The following TIPRL variants were observed in gnomAD, a reference collection of about 807,000 sequenced individuals.
TIPRL encodes the protein TIP41-like protein.
A neutral mutation model predicts 32.3 loss-of-function variants in TIPRL; 10 were observed. That is an observed-to-expected ratio of 0.31 (90% CI 0.19 to 0.52). The LOEUF (loss-of-function observed/expected upper bound fraction) is 0.52, where lower values mean the gene tolerates loss of function less well. Ranked by LOEUF, TIPRL falls within the 20% of genes least tolerant of loss-of-function variation. The pLI is 0.96. For synonymous variants in TIPRL, 100 were observed against 114.0 expected, an observed-to-expected ratio of 0.88 and a Z score of 0.78; for missense variants, 250 against 328.1, an observed-to-expected ratio of 0.76 and a Z score of 1.84.
chr1:168,186,023 T>C (rs1447915436), intron 3 of TIPRL, among the ~76,000 whole-genome samples: 3 of 125,602 alleles, frequency 2.4e-5, no homozygotes, highest in East Asian at 2.3e-4. Context: ...TGCAGTGAGC[T>C]GAGATCACAC....
chr1:168,185,728 C>T (rs1203320463), intron 3 of TIPRL, among the ~76,000 whole-genome samples: 2 of 147,214 alleles, frequency 1.4e-5, no homozygotes, highest in African/African-American at 5.0e-5. Context: ...CAAGATCGCG[C>T]CACTGCACTC....
In TIPRL at chr1:168,201,175, G is replaced by A. The variant is rs1040876116; in HGVS notation, c.*1129G>A. On this transcript the variant is annotated 3_prime_UTR_variant, in exon 7 of 7. Coordinates refer to ENST00000367833, the MANE Select transcript of TIPRL (RefSeq NM_152902.5). ...TTTCTAGAAAAATGGTTGTCATAAAGTGGAAAGTGATTAAAAAGCATCAAA... is the reference window on the plus strand; with the variant it reads ...TTTCTAGAAAAATGGTTGTCATAAAATGGAAAGTGATTAAAAAGCATCAAA... The A allele has an allele frequency of 6.6e-6, 1 of 152,090 alleles. No homozygotes were observed. Among genetic ancestry groups the A allele is most frequent in the Non-Finnish European group, 1.5e-5 (1 of 67,982 alleles). The allele number at this position is 152,090 out of a possible 1,614,324, so 9.4% of individuals were successfully genotyped here. A position where few individuals can be genotyped will look rare whatever the true frequency, so the allele number is the denominator to read the frequency against.
chr1:168,188,767 T>G (rs7537585), intron 3 of TIPRL, among the ~76,000 whole-genome samples: 1,873 of 152,114 alleles, frequency 0.012, 36 homozygotes, highest in African/African-American at 0.041. Context: ...ACACCTGAGG[T>G]CAGGAGTTCG....
At position 168,198,956 on chromosome 1, in the gene TIPRL, G is replaced by A. The variant is rs1333620722; in HGVS notation, c.650G>A (p.Arg217Gln). The A allele has an allele frequency of 3.1e-6, 5 of 1,612,066 alleles. No homozygotes were observed. The highest frequency in any genetic ancestry group is 1.3e-5 in the African/African-American group (1 of 74,956). ...TACATGTTACGAGAATATACGTCACGAGAAAGCAAAATTTCTAGTTTGATG... is the reference window on the plus strand; with the variant it reads ...TACATGTTACGAGAATATACGTCACAAGAAAGCAAAATTTCTAGTTTGATG... ...KTYMLREYTSRESKISSLMHV... is the reference protein window; with the variant it reads ...KTYMLREYTSQESKISSLMHV... Residue 217 changes from arginine to glutamine, a missense_variant, in exon 6 of 7, where the codon CGA (arginine) becomes CAA (glutamine). By Grantham distance (43) the Arg-to-Gln change is conservative (BLOSUM62 1). Coordinates refer to ENST00000367833, the MANE Select transcript of TIPRL (RefSeq NM_152902.5).
chr1:168,194,712 G>A (rs1221633379), intron 4 of TIPRL, among the ~76,000 whole-genome samples: 1 of 152,064 alleles, frequency 6.6e-6, no homozygotes, highest in East Asian at 1.9e-4. Flanking sequence ...AACCCCATCA[G>A]AATACACTTT....
intron 4 of TIPRL, among the ~76,000 whole-genome samples, chr1:168,193,064 T>A (rs1415253455): frequency 1.3e-5 from 2 of 152,152 alleles, no homozygotes; most frequent in Admixed American, 6.5e-5. Context: ...TGTTTTAAAG[T>A]CAAATTTTAG....
Position 168,201,379 on chromosome 1 carries a change from T to G in TIPRL, c.*1333T>G, listed in dbSNP as rs1428661653. Reference sequence around the variant, plus strand: ...CTTCAGGTATTAGCCTGAAGATAAATTTTAACAAAACATATACACTTGGGT... The same window carrying G: ...CTTCAGGTATTAGCCTGAAGATAAAGTTTAACAAAACATATACACTTGGGT... On this transcript the variant is annotated 3_prime_UTR_variant, in exon 7 of 7. Transcript: ENST00000367833. 1.3e-5 allele frequency: 2 copies of G among 152,104 alleles called. No homozygotes were observed. The highest frequency in any genetic ancestry group is 2.9e-5 in the Non-Finnish European group (2 of 67,980). 9.4% of individuals were successfully genotyped at this position (152,104 alleles called of 1,614,324 possible). A position where few individuals can be genotyped will look rare whatever the true frequency, so the allele number is the denominator to read the frequency against.
chr1:168,193,281 A>T (rs1348739263), intron 4 of TIPRL, among the ~76,000 whole-genome samples: 3 of 152,174 alleles, frequency 2.0e-5, no homozygotes, highest in Admixed American at 6.5e-5. Context: ...ATTTTTAGAG[A>T]ATCATTTTTT....
At chr1:168,188,808 G>C (rs1332335377) in intron 3 of TIPRL, among the ~76,000 whole-genome samples, 3 of 152,132 alleles carry the variant, frequency 2.0e-5, no homozygotes, top group East Asian at 3.9e-4. Flanking sequence ...GCAAAACCCT[G>C]TATCTACTAA....
chr1:168,191,469 A>T lies in TIPRL; in HGVS notation c.485A>T (p.Asp162Val). The change falls in exon 4 of 7, where the codon GAT becomes GTT. Residue 162 changes from aspartate (D) to valine (V), a missense_variant. Physicochemically the swap from Asp to Val is radical, Grantham distance 152 (BLOSUM62 -3). Transcript: ENST00000367833. ...CTCCTTTTTGAGGATGAACTTCATG[A>T]TCATGGAGTTTCAAGCCTGAGTGTG... is the stretch of plus-strand genomic sequence containing the variant. ...EVLLFEDELHDHGVSSLSVKI... is the reference protein window; with the variant it reads ...EVLLFEDELHVHGVSSLSVKI... 1.3e-6 allele frequency: 2 copies of T among 1,520,906 alleles called. No individual in the cohort carries two copies. The highest frequency in any genetic ancestry group is 1.7e-6 in the Non-Finnish European group (2 of 1,145,226). 94.2% of individuals were successfully genotyped at this position (1,520,906 alleles called of 1,614,324 possible).
chr1:168,184,902 T>C (rs769917695), intron 3 of TIPRL, 24 bp downstream of exon 3: 86 of 1,453,730 alleles, frequency 5.9e-5, no homozygotes, highest in Non-Finnish European at 7.4e-5. Flanking sequence ...TTTTCTTTCA[T>C]GAGTCATTGA....
At chr1:168,183,444 G>T (rs945927295) in intron 1 of TIPRL, among the ~76,000 whole-genome samples, 1 of 143,996 alleles carries the variant, frequency 6.9e-6, no homozygotes, top group Non-Finnish European at 1.5e-5. Context: ...CCTTCTGAAA[G>T]TCTGTGTAGG....
In TIPRL at chr1:168,184,768, T is replaced by C. The variant is rs1370127730; in HGVS notation, c.285-11T>C. The C allele has an allele frequency of 6.4e-7, 1 of 1,566,928 alleles. No individual in the cohort carries two copies. The highest frequency in any genetic ancestry group is 8.8e-7 in the Non-Finnish European group (1 of 1,139,856). The stretch of plus-strand genomic sequence containing the variant: ...TCACTGAATCTGATCCTTCTCATTT[T>C]GGTATTTGAGGACGGAGGGTGAACA... On this transcript the variant is annotated splice_polypyrimidine_tract_variant and intron_variant, in intron 2 of 6. Coordinates refer to ENST00000367833, the MANE Select transcript of TIPRL (RefSeq NM_152902.5).
chr1:168,184,787 G>C lies in TIPRL; in HGVS notation c.293G>C (p.Gly98Ala), dbSNP rs917498929. The C allele has an allele frequency of 6.2e-7, 1 of 1,610,276 alleles. No homozygotes were observed. Among genetic ancestry groups the C allele is most frequent in the African/African-American group, 1.3e-5 (1 of 74,952 alleles). ...TCATTTTGGTATTTGAGGACGGAGG[G>C]TGAACACTCCAAAGAGGTTATTAAA... ...AEEWQESRTEGEHSKEVIKPY... is the reference protein window; with the variant it reads ...AEEWQESRTEAEHSKEVIKPY... Residue 98 changes from glycine (G) to alanine (A), a missense_variant, in exon 3 of 7, where the codon GGT becomes GCT. Coordinates refer to ENST00000367833, the MANE Select transcript of TIPRL (RefSeq NM_152902.5).
chr1:168,183,114 T>C (rs1208302772), intron 1 of TIPRL, among the ~76,000 whole-genome samples: 2 of 152,182 alleles, frequency 1.3e-5, no homozygotes, highest in African/African-American at 4.8e-5. Flanking sequence ...ATCATAAGCA[T>C]TTTTTCATAT....
At chr1:168,180,073 A>C (rs942586993) in intron 1 of TIPRL, among the ~76,000 whole-genome samples, 2 of 152,196 alleles carry the variant, frequency 1.3e-5, no homozygotes, top group Non-Finnish European at 2.9e-5. Flanking sequence ...AATTTTATCC[A>C]AAGGAGCTGC....
intron 3 of TIPRL, among the ~76,000 whole-genome samples, chr1:168,189,492 C>T (rs1044170653): frequency 1.3e-5 from 2 of 152,092 alleles, no homozygotes; most frequent in African/African-American, 4.8e-5. Context: ...ATTACAGGTG[C>T]CTGCCACCAC....
rs537159099 is a variant in TIPRL at position 168,184,703 on chromosome 1, T to C, written c.285-76T>C. 3.9e-4 allele frequency: 334 copies of C among 864,918 alleles called. No homozygotes were observed. The Middle Eastern group carries it at 3.9e-3, about 10-fold the overall frequency. The allele number at this position is 864,918 out of a possible 1,614,324, so 53.6% of individuals were successfully genotyped here. A position where few individuals can be genotyped will look rare whatever the true frequency, so the allele number is the denominator to read the frequency against. On this transcript the variant is annotated intron_variant, in intron 2 of 6. Transcript: ENST00000367833. ...TAGGATATGTTATTATAGAATATAATTTGATGTGATATATAAATACAGATA... is the reference window on the plus strand; with the variant it reads ...TAGGATATGTTATTATAGAATATAACTTGATGTGATATATAAATACAGATA...
chr1:168,197,442 T>C (rs1700170662), intron 5 of TIPRL, among the ~76,000 whole-genome samples: 1 of 152,196 alleles, frequency 6.6e-6, no homozygotes, highest in Non-Finnish European at 1.5e-5. Context: ...TAGACCTTTT[T>C]TCTTTTAAAA....
Sources: gnomAD v4.1 joint callset for allele counts (sites outside exome capture counted in the v4.1 genomes callset) on GRCh38, gnomAD v4.1.1 for gene constraint, MANE v1.5 for transcripts, NCBI Gene and HGNC (gene_info 2026-07-23, HGNC 2026-07-21) for gene names.